The following NLGN1 variants were observed in gnomAD, a reference collection of about 807,000 sequenced individuals.
The protein encoded by NLGN1 is neuroligin-1.
In NLGN1, 12 loss-of-function variants were observed where a neutral mutation model predicts 65.5. That is an observed-to-expected ratio of 0.18 (90% CI 0.12 to 0.30). The LOEUF (loss-of-function observed/expected upper bound fraction) is 0.30. Among genes scored for constraint, NLGN1 ranks in the 10% least tolerant of loss-of-function variants. The pLI is 1.00. For missense variants in NLGN1, 750 were observed against 1,007.1 expected, an observed-to-expected ratio of 0.74 and a Z score of 3.46; for synonymous variants, 350 against 359.5, an observed-to-expected ratio of 0.97 and a Z score of 0.30.
chr3:173,653,053 T>A (rs1759463316), intron 3 of NLGN1, among the ~76,000 whole-genome samples: 1 of 152,192 alleles, frequency 6.6e-6, no homozygotes, highest in African/African-American at 2.4e-5. Flanking sequence ...TTGTTGTTAG[T>A]GTATAAAAAT....
At chr3:174,120,797 C>A (rs927227731) in intron 4 of NLGN1, among the ~76,000 whole-genome samples, 1 of 152,004 alleles carries the variant, frequency 6.6e-6, no homozygotes, top group African/African-American at 2.4e-5. Context: ...AAAGTTTAAA[C>A]CTCAAAAAGA....
chr3:173,904,239 C>A (rs953839116), intron 4 of NLGN1, among the ~76,000 whole-genome samples: 1 of 152,042 alleles, frequency 6.6e-6, no homozygotes, highest in African/African-American at 2.4e-5. Context: ...ATCTCCCTTT[C>A]TCATTTTTTA....
chr3:173,832,059 G>A (rs1388866179), intron 4 of NLGN1, among the ~76,000 whole-genome samples: 7 of 151,342 alleles, frequency 4.6e-5, no homozygotes, highest in Non-Finnish European at 8.8e-5. Flanking sequence ...CCAGGCTTAC[G>A]CGATCTTTCC....
intron 4 of NLGN1, among the ~76,000 whole-genome samples, chr3:174,235,113 A>T (rs1741480047): frequency 6.7e-6 from 1 of 148,306 alleles, no homozygotes; most frequent in Admixed American, 6.9e-5. Flanking sequence ...CATTCTCTTA[A>T]CTTTGCTGCT....
At chr3:174,268,059 A>G (rs994726554) in intron 4 of NLGN1, among the ~76,000 whole-genome samples, 7 of 152,166 alleles carry the variant, frequency 4.6e-5, no homozygotes, top group African/African-American at 1.7e-4. Context: ...TCTGAAGTAT[A>G]TAGTTCCTGA....
At chr3:173,919,036 C>G (rs1741390641) in intron 4 of NLGN1, among the ~76,000 whole-genome samples, 3 of 152,110 alleles carry the variant, frequency 2.0e-5, no homozygotes, top group Admixed American at 2.0e-4. Context: ...GTCACCACAT[C>G]TTTTATCCTG....
chr3:173,890,436 A>G (rs1006330086), intron 4 of NLGN1, among the ~76,000 whole-genome samples: 3 of 152,262 alleles, frequency 2.0e-5, no homozygotes, highest in East Asian at 1.9e-4. Context: ...TGCAAAATCT[A>G]TCTGGCCTTT....
At chr3:173,897,999 T>C (rs927732301) in intron 4 of NLGN1, among the ~76,000 whole-genome samples, 2 of 152,198 alleles carry the variant, frequency 1.3e-5, no homozygotes, top group Non-Finnish European at 2.9e-5. Flanking sequence ...AATGCTTTTC[T>C]AGATTATACT....
intron 4 of NLGN1, among the ~76,000 whole-genome samples, chr3:174,274,421 C>A (rs1479879702): frequency 1.3e-5 from 2 of 151,766 alleles, no homozygotes; most frequent in Non-Finnish European, 2.9e-5. Flanking sequence ...TTACTCAGAT[C>A]TTAATGCCAC....
At chr3:173,537,464 GA>G (rs1176613051) in intron 2 of NLGN1, among the ~76,000 whole-genome samples, 1 of 150,110 alleles carries the variant, frequency 6.7e-6, no homozygotes, top group Admixed American at 6.7e-5. Context: ...AAGAAGGGAA[GA>G]AAAAAAGGTA....
chr3:173,658,973 T>A (rs1249251485), intron 3 of NLGN1, among the ~76,000 whole-genome samples: 1 of 152,048 alleles, frequency 6.6e-6, no homozygotes, highest in Non-Finnish European at 1.5e-5. Context: ...TAACCTTATC[T>A]GATGCTTCTG....
At chr3:173,572,190 GA>G (rs1744760798) in intron 2 of NLGN1, among the ~76,000 whole-genome samples, 1 of 152,162 alleles carries the variant, frequency 6.6e-6, no homozygotes, top group Non-Finnish European at 1.5e-5. Flanking sequence ...GTGATAATTT[GA>G]AAGTGTGACC....
intron 4 of NLGN1, among the ~76,000 whole-genome samples, chr3:173,877,960 T>C (rs888238011): frequency 2.0e-5 from 3 of 152,192 alleles, no homozygotes; most frequent in Non-Finnish European, 2.9e-5. Flanking sequence ...TAACTACTGT[T>C]ATATGGTCTT....
At chr3:174,049,408 G>GA (rs1430942998) in intron 4 of NLGN1, among the ~76,000 whole-genome samples, 1 of 152,058 alleles carries the variant, frequency 6.6e-6, no homozygotes, top group Non-Finnish European at 1.5e-5. Context: ...GGACAAAGGA[G>GA]AAAAGGGTTG....
chr3:174,052,814 T>C (rs1735205995), intron 4 of NLGN1, among the ~76,000 whole-genome samples: 2 of 152,028 alleles, frequency 1.3e-5, no homozygotes, highest in South Asian at 2.1e-4. Context: ...AAATTCACTA[T>C]CAGTAAATTT....
chr3:173,612,334 A>G (rs984569682), intron 3 of NLGN1, among the ~76,000 whole-genome samples: 18 of 152,104 alleles, frequency 1.2e-4, no homozygotes, highest in African/African-American at 4.3e-4. Flanking sequence ...AGGCTGCTGT[A>G]ACAAATTATC....
intron 2 of NLGN1, among the ~76,000 whole-genome samples, chr3:173,544,782 G>A (rs10936760): frequency 0.37 from 55,605 of 151,816 alleles, 11,369 homozygotes; most frequent in East Asian, 0.8. Flanking sequence ...AGAGACTATA[G>A]GATGAAAAGG....
chr3:174,009,280 A>G (rs1031386450), intron 4 of NLGN1, among the ~76,000 whole-genome samples: 3 of 152,154 alleles, frequency 2.0e-5, no homozygotes, highest in Non-Finnish European at 4.4e-5. Flanking sequence ...ATACCATTCC[A>G]TTAGGGAGTA....
chr3:173,483,185 T>C (rs1365914532), intron 2 of NLGN1, among the ~76,000 whole-genome samples: 2 of 152,094 alleles, frequency 1.3e-5, no homozygotes, highest in African/African-American at 4.8e-5. Flanking sequence ...TTTTTTCTTT[T>C]TGAAAAACAG....
Sources: gnomAD v4.1 joint callset for allele counts (sites outside exome capture counted in the v4.1 genomes callset) on GRCh38, gnomAD v4.1.1 for gene constraint, MANE v1.5 for transcripts, NCBI Gene and HGNC (gene_info 2026-07-23, HGNC 2026-07-21) for gene names.